TPCN2: variants seen among roughly 807,000 people sequenced by gnomAD.
The protein encoded by TPCN2 is two pore channel protein 2.
A neutral mutation model predicts 111.4 loss-of-function variants in TPCN2; 92 were observed. The observed-to-expected ratio is 0.83, with a 90% CI of 0.70 to 0.98. TPCN2 has a LOEUF of 0.98. Among genes scored for constraint, TPCN2 ranks in the 50% least tolerant of loss-of-function variants. The pLI, the probability that TPCN2 is intolerant of heterozygous loss-of-function variation, is 0.00. For synonymous variants in TPCN2, 405 were observed against 414.5 expected (o/e 0.98, Z 0.28); for missense variants, 995 against 980.1 (o/e 1.02, Z -0.20).
intron 18 of TPCN2, among the ~76,000 whole-genome samples, chr11:69,082,709 TCGCG>T (rs1856083316): frequency 2.1e-5 from 2 of 94,806 alleles, no homozygotes; most frequent in Non-Finnish European, 4.3e-5. Context: ...TGTGCACACA[TCGCG>T]TGCAGATATC....
Position 69,087,428 on chromosome 11 carries a change from G to C in TPCN2, c.2180+222G>C, listed in dbSNP as rs541949812. Among the ~76,000 whole-genome samples the C allele has an allele frequency of 7.9e-5, 12 of 152,304 alleles. No individual in the cohort carries two copies. In the South Asian group the frequency reaches 2.5e-3, roughly 32 times the overall value. On this transcript the variant is annotated intron_variant, in intron 24 of 24. Coordinates refer to ENST00000294309, the MANE Select transcript of TPCN2 (RefSeq NM_139075.4). ...GTCATAGCCTTTGTCCTGCTCTCCT[G>C]CTCTTGGATTGGGCATATTTAAGGC...
At chr11:69,085,637 C>T (rs757079670) in intron 20 of TPCN2, 34 bp from the exon 21 acceptor site, 10 of 1,435,246 alleles carry the variant, frequency 7.0e-6, no homozygotes, top group Admixed American at 3.4e-5. Flanking sequence ...ACCTGGAGCC[C>T]CCGCCCCTGA....
chr11:69,069,107 T>C (rs1855397162), intron 8 of TPCN2, among the ~76,000 whole-genome samples: 1 of 134,590 alleles, frequency 7.4e-6, no homozygotes, highest in Non-Finnish European at 1.6e-5. Flanking sequence ...ATCTGAGTCC[T>C]AGGAAGTGAC....
At chr11:69,052,878 T>G (rs1387911913) in intron 1 of TPCN2, among the ~76,000 whole-genome samples, 1 of 152,186 alleles carries the variant, frequency 6.6e-6, no homozygotes, top group African/African-American at 2.4e-5. Flanking sequence ...GAGTCTCAAC[T>G]GAAAAAGCAG....
chr11:69,065,831 C>A (rs561433826), intron 7 of TPCN2, among the ~76,000 whole-genome samples: 19 of 152,260 alleles, frequency 1.2e-4, no homozygotes, highest in Non-Finnish European at 1.5e-4. Flanking sequence ...TTTCTCAGGT[C>A]GGGGCTGTGG....
At chr11:69,082,882 G>T (rs541566516) in intron 18 of TPCN2, among the ~76,000 whole-genome samples, 2 of 150,724 alleles carry the variant, frequency 1.3e-5, no homozygotes, top group East Asian at 4.0e-4. Flanking sequence ...ACGCATGATC[G>T]TGTGTGCACA....
chr11:69,076,418 CAGG>C (rs1288611093), intron 13 of TPCN2, among the ~76,000 whole-genome samples: 2 of 152,104 alleles, frequency 1.3e-5, no homozygotes, highest in African/African-American at 4.8e-5. Context: ...GGGAAATTTT[CAGG>C]AGGTCAGGCT....
chr11:69,054,504 C>T lies in TPCN2; in HGVS notation c.175-217C>T, dbSNP rs540534886. The stretch of plus-strand genomic sequence containing the variant: ...TGTTTGCTCACGCACCCACCCACCC[C>T]GGGTGTGTGGCCTGTGAGGTCTTGT... On this transcript the variant is annotated intron_variant, in intron 2 of 24. Coordinates refer to ENST00000294309, the MANE Select transcript of TPCN2 (RefSeq NM_139075.4). 237 of 587,348 alleles carry T rather than the reference C, an allele frequency of 4.0e-4. 3 individuals are homozygous for T. The South Asian group carries it at 4.4e-3, about 11-fold the overall frequency. 36.4% of individuals were successfully genotyped at this position (587,348 alleles called of 1,614,324 possible). A position where few individuals can be genotyped will look rare whatever the true frequency, so the allele number is the denominator to read the frequency against.
intron 16 of TPCN2, 42 bp from the exon 17 acceptor site, chr11:69,079,792 A>T: frequency 6.3e-7 from 1 of 1,587,130 alleles, no homozygotes; most frequent in Non-Finnish European, 8.6e-7. Context: ...CGCCCAGATT[A>T]GTGTTGCTGT....
intron 5 of TPCN2, among the ~76,000 whole-genome samples, chr11:69,062,418 G>T (rs1379051099): frequency 2.6e-5 from 4 of 152,026 alleles, no homozygotes; most frequent in African/African-American, 9.7e-5. Context: ...TGGAGGCAGG[G>T]TCTGTGTCTG....
Position 69,055,310 on chromosome 11 carries a change from G to A in TPCN2, c.387G>A (p.Glu129=). 6.2e-7 allele frequency: 1 copy of A among 1,613,388 alleles called. No homozygotes were observed. The highest frequency in any genetic ancestry group is 2.2e-5 in the East Asian group (1 of 44,880). Reference sequence around the variant, plus strand: ...CCTGCGGCCTGACCGAGAGTGTCGAGGTGCTCTGCCTGCTGGTCTTTGCGG... The same window carrying A: ...CCTGCGGCCTGACCGAGAGTGTCGAAGTGCTCTGCCTGCTGGTCTTTGCGG... ...EPPCGLTESV[E]VLCLLVFAAD... is the part of the protein sequence containing the mutation. Residue 129 remains glutamate, a synonymous_variant, in exon 4 of 25, where the codon GAG becomes GAA. Transcript: ENST00000294309.
intron 8 of TPCN2, 40 bp downstream of exon 8, chr11:69,067,645 G>A: frequency 1.9e-6 from 3 of 1,598,146 alleles, no homozygotes; most frequent in Non-Finnish European, 2.6e-6. Context: ...GGGTCGGTGA[G>A]CCCAGCACTG....
Position 69,087,955 on chromosome 11 carries a change from G to A in TPCN2, c.*2G>A, listed in dbSNP as rs746385462. The A allele has an allele frequency of 6.8e-6, 11 of 1,605,948 alleles. No homozygotes were observed. Among genetic ancestry groups the A allele is most frequent in the Admixed American group, 1.7e-5 (1 of 59,122 alleles). ...CCGCACCTGTGGCTGTGCAGGTGACGTCCGGGCTGCCGTCCCAGCAGGGGC... is the reference window on the plus strand; with the variant it reads ...CCGCACCTGTGGCTGTGCAGGTGACATCCGGGCTGCCGTCCCAGCAGGGGC... On this transcript the variant is annotated 3_prime_UTR_variant, in exon 25 of 25. Transcript: ENST00000294309.
chr11:69,073,053 C>T (rs770520567), intron 13 of TPCN2, 52 bp downstream of exon 13: 6 of 1,369,042 alleles, frequency 4.4e-6, no homozygotes, highest in African/African-American at 4.3e-5. Context: ...TTCCAGTTTC[C>T]CCTGCCCTTG....
rs1012015809 is a variant in TPCN2, at chr11:69,087,318, C to T, written c.2180+112C>T. The T allele has an allele frequency of 4.8e-5, 42 of 874,778 alleles. 2 individuals are homozygous for T. Among genetic ancestry groups the T allele is most frequent in the South Asian group, 2.8e-4 (18 of 64,674 alleles). 54.2% of individuals were successfully genotyped at this position (874,778 alleles called of 1,614,324 possible). ...GGCCCTGATGACTGTCCTCCCCCTCCGCCCGGTTATCTGGCTTTGGTCCTG... is the reference window on the plus strand; with the variant it reads ...GGCCCTGATGACTGTCCTCCCCCTCTGCCCGGTTATCTGGCTTTGGTCCTG... On this transcript the variant is annotated intron_variant, in intron 24 of 24. Transcript: ENST00000294309.
intron 9 of TPCN2, among the ~76,000 whole-genome samples, chr11:69,070,926 C>T (rs1367403790): frequency 7.0e-6 from 1 of 143,642 alleles, no homozygotes; most frequent in African/African-American, 2.6e-5. Context: ...AACAGCTTCA[C>T]CCCAGGGATC....
At chr11:69,054,127 C>T in intron 2 of TPCN2, 30 bp downstream of exon 2, 1 of 1,602,832 alleles carries the variant, frequency 6.2e-7, no homozygotes, top group Non-Finnish European at 8.5e-7. Context: ...TGTGGCCGGG[C>T]CTGGGGGGTG....
Position 69,085,263 on chromosome 11 carries a change from T to C in TPCN2, c.1815T>C (p.Ile605=), listed in dbSNP as rs1348873824. 1 of 1,553,606 alleles carries C rather than the reference T, an allele frequency of 6.4e-7. No homozygotes were observed. The highest frequency in any genetic ancestry group is 1.7e-5 in the Admixed American group (1 of 57,980). ...GGATCAACTTGTTTAGAGGCGTCAT[T>C]GTGGCTCTTCCTGGAAACAGCAGGT... ...IIGINLFRGV[I]VALPGNSSLA... is the part of the protein sequence containing the mutation. Residue 605 remains isoleucine (I), a synonymous_variant, in exon 20 of 25, where the codon ATT becomes ATC. Transcript: ENST00000294309.
chr11:69,054,695 T>C (rs754136229), intron 2 of TPCN2, 26 bp from the exon 3 acceptor site: 3 of 1,612,660 alleles, frequency 1.9e-6, no homozygotes, highest in Non-Finnish European at 1.7e-6. Flanking sequence ...ACCCATGTCA[T>C]GCCTCATGTG....
Sources: gnomAD v4.1 joint callset for allele counts (sites outside exome capture counted in the v4.1 genomes callset) on GRCh38, gnomAD v4.1.1 for gene constraint, MANE v1.5 for transcripts, NCBI Gene and HGNC (gene_info 2026-07-23, HGNC 2026-07-21) for gene names.